Variants in TEAD1 observed in about 807,000 individuals in gnomAD.
TEAD1 encodes the protein TEA domain transcription factor 1.
In TEAD1, 9 loss-of-function variants were observed where a neutral mutation model predicts 54.9. That is an observed-to-expected ratio of 0.16 (90% CI 0.10 to 0.29). The LOEUF is 0.29. Among genes scored for constraint, TEAD1 ranks in the 10% least tolerant of loss-of-function variants. The pLI is 1.00. For missense variants in TEAD1, 387 were observed against 535.9 expected (o/e 0.72, Z 2.74); for synonymous variants, 200 against 187.8 (o/e 1.07, Z -0.53).
chr11:12,874,368 C>G (rs1482647909), intron 5 of TEAD1, among the ~76,000 whole-genome samples: 2 of 152,182 alleles, frequency 1.3e-5, no homozygotes, highest in Non-Finnish European at 2.9e-5. Context: ...GTACACCACT[C>G]CAGCCATGTG....
At chr11:12,757,331 G>A (rs1456745931) in intron 2 of TEAD1, among the ~76,000 whole-genome samples, 1 of 152,062 alleles carries the variant, frequency 6.6e-6, no homozygotes, top group Non-Finnish European at 1.5e-5. Context: ...CCCTGTAGCT[G>A]TCACCTTTTG....
At chr11:12,739,009 G>T (rs945607881) in intron 2 of TEAD1, among the ~76,000 whole-genome samples, 1 of 152,142 alleles carries the variant, frequency 6.6e-6, no homozygotes, top group Non-Finnish European at 1.5e-5. Flanking sequence ...AGGTATCCAG[G>T]AAGGCTCCAT....
intron 4 of TEAD1, chr11:12,864,559 C>T: frequency 3.0e-6 from 2 of 676,540 alleles, no homozygotes; most frequent in South Asian, 2.0e-5. Context: ...CAAATAACCA[C>T]CCCCCAACCC....
intron 9 of TEAD1, among the ~76,000 whole-genome samples, chr11:12,893,278 TAGGAGATGGAGTGTCTCCCGGGGA>T (rs1396475158): frequency 3.0e-4 from 46 of 152,288 alleles, no homozygotes; most frequent in African/African-American, 1.1e-3. Context: ...CAGCAGGACG[TAGGAGATGGAGTGTCTCCCGGGGA>T]AGGAGATGAT....
At chr11:12,825,372 C>G (rs1312078273) in intron 3 of TEAD1, among the ~76,000 whole-genome samples, 6 of 152,188 alleles carry the variant, frequency 3.9e-5, no homozygotes, top group Non-Finnish European at 5.9e-5. Context: ...TACGAACCGA[C>G]TAATGAGTTC....
intron 3 of TEAD1, among the ~76,000 whole-genome samples, chr11:12,843,139 C>G (rs1947074488): frequency 6.6e-6 from 1 of 152,136 alleles, no homozygotes; most frequent in Non-Finnish European, 1.5e-5. Flanking sequence ...TCTATTGTCT[C>G]ATTGTTGGAT....
At chr11:12,932,618 TATGGTAGTGCTCCC>T (rs1428122718) in intron 12 of TEAD1, among the ~76,000 whole-genome samples, 1 of 152,196 alleles carries the variant, frequency 6.6e-6, no homozygotes, top group Non-Finnish European at 1.5e-5. Context: ...GGACCACGTG[TATGGTAGTGCTCCC>T]ATAAGATGAT....
intron 3 of TEAD1, among the ~76,000 whole-genome samples, chr11:12,768,648 G>A (rs1217306290): frequency 1.3e-5 from 2 of 152,150 alleles, no homozygotes; most frequent in Non-Finnish European, 2.9e-5. Context: ...TCCTTCCTTG[G>A]TAGAGACCGT....
chr11:12,853,632 T>C (rs1165158045), intron 3 of TEAD1, among the ~76,000 whole-genome samples: 1 of 152,226 alleles, frequency 6.6e-6, no homozygotes, highest in Admixed American at 6.5e-5. Flanking sequence ...CAGAAATAAC[T>C]TCTATCTAAC....
At chr11:12,772,761 A>G (rs1017197768) in intron 3 of TEAD1, among the ~76,000 whole-genome samples, 3 of 152,136 alleles carry the variant, frequency 2.0e-5, no homozygotes, top group Admixed American at 1.3e-4. Context: ...CAAGCGGGAT[A>G]TTGGCATCCA....
intron 3 of TEAD1, among the ~76,000 whole-genome samples, chr11:12,778,837 G>A (rs939920833): frequency 6.6e-5 from 10 of 152,048 alleles, no homozygotes; most frequent in Admixed American, 6.6e-4. Flanking sequence ...CAGAGACCAG[G>A]ATGTTTTCTG....
chr11:12,823,025 G>GT (rs1490156942), intron 3 of TEAD1, among the ~76,000 whole-genome samples: 2 of 152,070 alleles, frequency 1.3e-5, no homozygotes, highest in African/African-American at 2.4e-5. Context: ...ATTTGGTTTT[G>GT]TTTTTTTGTT....
At chr11:12,676,012 C>T (rs963888022) in intron 2 of TEAD1, among the ~76,000 whole-genome samples, 19 of 152,104 alleles carry the variant, frequency 1.2e-4, no homozygotes, top group Admixed American at 6.5e-5. Flanking sequence ...TGAAAATTGA[C>T]CTCAGTGAGC....
chr11:12,791,963 A>G (rs1590155901), intron 3 of TEAD1, among the ~76,000 whole-genome samples: 1 of 152,322 alleles, frequency 6.6e-6, no homozygotes, highest in East Asian at 1.9e-4. Flanking sequence ...AGGAGTAACA[A>G]TAACAAAGGA....
intron 10 of TEAD1, among the ~76,000 whole-genome samples, chr11:12,916,375 G>A (rs76438953): frequency 1.3e-5 from 2 of 152,238 alleles, no homozygotes; most frequent in East Asian, 1.9e-4. Context: ...AGTCTTTATC[G>A]TGTTTATTGA....
At chr11:12,766,772 A>T (rs1945215645) in intron 3 of TEAD1, among the ~76,000 whole-genome samples, 1 of 152,182 alleles carries the variant, frequency 6.6e-6, no homozygotes, top group South Asian at 2.1e-4. Context: ...TTAAAATGGG[A>T]CAGTCCTTTT....
At chr11:12,883,229 G>A in intron 9 of TEAD1, 104 bp downstream of exon 9, 2 of 1,560,350 alleles carry the variant, frequency 1.3e-6, no homozygotes, top group South Asian at 2.2e-5. Context: ...CCCCATGCCT[G>A]ACAAATATCC....
At chr11:12,858,763 T>G (rs1373090437) in intron 3 of TEAD1, among the ~76,000 whole-genome samples, 1 of 152,180 alleles carries the variant, frequency 6.6e-6, no homozygotes. Flanking sequence ...CAGTACTCAG[T>G]AAGGACCTGT....
At position 12,739,846 on chromosome 11, in the gene TEAD1, G is replaced by T. The variant is rs563921873; in HGVS notation, c.-54-24333G>T. The stretch of plus-strand genomic sequence containing the variant: ...TATCTACTCCCCATCCCAAATATTG[G>T]TCCATCAGGGAGAGAAGCCCAATGA... On this transcript the variant is annotated intron_variant, in intron 2 of 12. Coordinates refer to ENST00000527636, the MANE Select transcript of TEAD1 (RefSeq NM_021961.6). Among the ~76,000 whole-genome samples, 46 of 152,248 alleles carry T rather than the reference G, an allele frequency of 3.0e-4. 1 individual carries two copies. The South Asian group carries it at 9.3e-3, about 31-fold the overall frequency.
Sources: gnomAD v4.1 joint callset for allele counts (sites outside exome capture counted in the v4.1 genomes callset) on GRCh38, gnomAD v4.1.1 for gene constraint, MANE v1.5 for transcripts, NCBI Gene and HGNC (gene_info 2026-07-23, HGNC 2026-07-21) for gene names.